CNBD1: variants seen among roughly 807,000 people sequenced by gnomAD.
CNBD1 encodes the protein cyclic nucleotide binding domain containing 1.
Under a neutral mutation model 54.4 loss-of-function variants are expected in CNBD1, and 71 were observed. The observed-to-expected ratio is 1.30, with a 90% confidence interval of 1.08 to 1.59. CNBD1 has a LOEUF of 1.59. Among genes scored for constraint, CNBD1 ranks in the 40% most tolerant of loss-of-function variants. CNBD1 has a pLI of 0.00. For synonymous variants in CNBD1, 182 were observed against 170.7 expected (o/e 1.07, Z -0.51); for missense variants, 659 against 518.0 (o/e 1.27, Z -2.64).
At chr8:87,104,717 C>G (rs1475651762) in intron 4 of CNBD1, among the ~76,000 whole-genome samples, 2 of 152,214 alleles carry the variant, frequency 1.3e-5, no homozygotes, top group African/African-American at 4.8e-5. Flanking sequence ...ACTATTGTTT[C>G]AGTCTTGCCT....
intron 8 of CNBD1, among the ~76,000 whole-genome samples, chr8:87,292,236 A>G (rs1440222088): frequency 6.6e-6 from 1 of 152,206 alleles, no homozygotes; most frequent in Non-Finnish European, 1.5e-5. Flanking sequence ...TAATGCTGAA[A>G]GGCTATACTG....
chr8:87,101,824 G>A (rs1322538189), intron 4 of CNBD1, among the ~76,000 whole-genome samples: 1 of 151,952 alleles, frequency 6.6e-6, no homozygotes, highest in Non-Finnish European at 1.5e-5. Flanking sequence ...GTATAAGGCA[G>A]TGCTTTGAGG....
intron 6 of CNBD1, among the ~76,000 whole-genome samples, chr8:87,282,065 A>G (rs1202083590): frequency 6.6e-6 from 1 of 151,372 alleles, no homozygotes; most frequent in Non-Finnish European, 1.5e-5. Flanking sequence ...TATTCTTTAC[A>G]TTTGCCATTT....
intron 8 of CNBD1, among the ~76,000 whole-genome samples, chr8:87,349,223 A>G (rs1228217993): frequency 6.6e-6 from 1 of 152,178 alleles, no homozygotes; most frequent in Non-Finnish European, 1.5e-5. Flanking sequence ...AACAACATTT[A>G]TCTTGACAGC....
chr8:86,867,063 A>G (rs1413962852), intron 1 of CNBD1, among the ~76,000 whole-genome samples: 1 of 152,152 alleles, frequency 6.6e-6, no homozygotes, highest in African/African-American at 2.4e-5. Context: ...ATTTATTCCT[A>G]TTTAACTTTT....
At chr8:87,410,887 CAA>C (rs970123647) in intron 2 of CNBD1, among the ~76,000 whole-genome samples, 2 of 152,052 alleles carry the variant, frequency 1.3e-5, no homozygotes, top group Non-Finnish European at 2.9e-5. Context: ...CCTCCATCTG[CAA>C]AAAGATTATG....
intron 2 of CNBD1, among the ~76,000 whole-genome samples, chr8:87,421,908 C>T (rs1474214826): frequency 1.4e-5 from 2 of 147,434 alleles, no homozygotes; most frequent in Non-Finnish European, 3.0e-5. Flanking sequence ...AAAAGTGTTC[C>T]TATTTCTCCA....
chr8:87,241,415 G>A (rs990864016), intron 6 of CNBD1, among the ~76,000 whole-genome samples: 4 of 151,560 alleles, frequency 2.6e-5, no homozygotes, highest in Non-Finnish European at 5.9e-5. Flanking sequence ...GGACTACAGG[G>A]GCCTGCCACC....
At chr8:87,082,903 T>A (rs1811025542) in intron 4 of CNBD1, among the ~76,000 whole-genome samples, 1 of 152,206 alleles carries the variant, frequency 6.6e-6, no homozygotes, top group Non-Finnish European at 1.5e-5. Context: ...ATTAAATCTT[T>A]ACAAAAACTT....
chr8:87,102,235 G>A (rs531462446), intron 4 of CNBD1, among the ~76,000 whole-genome samples: 5 of 152,144 alleles, frequency 3.3e-5, no homozygotes, highest in African/African-American at 9.6e-5. Context: ...GAGTAAACTT[G>A]GTGTAAGAAA....
chr8:87,297,422 G>A (rs966477500), intron 8 of CNBD1, among the ~76,000 whole-genome samples: 3 of 151,960 alleles, frequency 2.0e-5, no homozygotes, highest in Non-Finnish European at 2.9e-5. Context: ...TAGCACAGTC[G>A]TAGAACATGC....
chr8:87,133,548 C>T (rs1812164149), intron 4 of CNBD1, among the ~76,000 whole-genome samples: 1 of 152,152 alleles, frequency 6.6e-6, no homozygotes, highest in South Asian at 2.1e-4. Context: ...GGGCCACTCT[C>T]CTGGGTTGTT....
chr8:86,871,203 A>T (rs1470442107), intron 1 of CNBD1, among the ~76,000 whole-genome samples: 3 of 152,196 alleles, frequency 2.0e-5, no homozygotes, highest in Admixed American at 2.0e-4. Flanking sequence ...GGTGAAGTAA[A>T]TTGCAGTGCC....
intron 3 of CNBD1, among the ~76,000 whole-genome samples, chr8:86,907,666 A>T (rs1025566621): frequency 1.4e-5 from 2 of 142,970 alleles, no homozygotes; most frequent in Non-Finnish European, 3.1e-5. Context: ...GACTCTATCT[A>T]AAAAAAAAAC....
intron 4 of CNBD1, among the ~76,000 whole-genome samples, chr8:87,178,310 A>G (rs1034845376): frequency 2.0e-5 from 3 of 152,222 alleles, no homozygotes; most frequent in Admixed American, 6.5e-5. Context: ...GTATTTAGAA[A>G]TACTCTGAGA....
Position 87,205,982 on chromosome 8 carries a change from T to A in CNBD1, c.432-11T>A. The A allele has an allele frequency of 6.8e-7, 1 of 1,466,276 alleles. No homozygotes were observed. Among genetic ancestry groups the A allele is most frequent in the Admixed American group, 2.9e-5 (1 of 34,676 alleles). The allele number at this position is 1,466,276 out of a possible 1,614,324, so 90.8% of individuals were successfully genotyped here. A position where few individuals can be genotyped will look rare whatever the true frequency, so the allele number is the denominator to read the frequency against. On this transcript the variant is annotated splice_polypyrimidine_tract_variant and intron_variant, in intron 4 of 10. Transcript: ENST00000518476. Reference sequence around the variant, plus strand: ...ATGGTCTCTGAATTTGTATTTTTTTTTTTTTTTGAGGCCCATTCACAGGAC... The same window carrying A: ...ATGGTCTCTGAATTTGTATTTTTTTATTTTTTTGAGGCCCATTCACAGGAC...
chr8:86,941,953 C>G (rs569316888), intron 4 of CNBD1, among the ~76,000 whole-genome samples: 142 of 152,156 alleles, frequency 9.3e-4, no homozygotes, highest in Non-Finnish European at 1.8e-3. Flanking sequence ...ATACGTCCCC[C>G]CTTTCAGTGG....
intron 8 of CNBD1, among the ~76,000 whole-genome samples, chr8:87,327,765 G>T (rs887286438): frequency 8.5e-5 from 13 of 152,148 alleles, no homozygotes; most frequent in Non-Finnish European, 1.8e-4. Context: ...CCCGTCTTCT[G>T]CGTCGCTCAC....
At chr8:87,387,253 C>A (rs556879282), downstream of CNBD1, among the ~76,000 whole-genome samples, 195 of 152,200 alleles carry the variant, frequency 1.3e-3, 1 homozygote, top group Middle Eastern at 0.027. Context: ...TCACACATAA[C>A]AATATTAACC....
Sources: allele counts gnomAD v4.1 joint callset (sites outside exome capture counted in the v4.1 genomes callset), GRCh38; gene constraint gnomAD v4.1.1; transcripts MANE v1.5; gene names NCBI Gene and HGNC (gene_info 2026-07-23, HGNC 2026-07-21).